ACTN1: variants seen among roughly 807,000 people sequenced by gnomAD.
ACTN1 encodes the protein alpha-actinin-1.
ACTN1 carries 30 observed loss-of-function variants against 119.6 expected under a neutral mutation model. The ratio of observed to expected loss-of-function variants is 0.25; its 90% CI spans 0.19 to 0.34. ACTN1 has a LOEUF of 0.34. Ranked by LOEUF, ACTN1 falls within the 10% of genes least tolerant of loss-of-function variation. The pLI, the probability that ACTN1 is intolerant of heterozygous loss-of-function variation, is 1.00. For missense variants in ACTN1, 764 were observed against 1,223.4 expected (o/e 0.62, Z 5.60); for synonymous variants, 429 against 472.6 (o/e 0.91, Z 1.20).
intron 6 of ACTN1, among the ~76,000 whole-genome samples, chr14:68,907,335 G>A (rs1316747958): frequency 2.0e-5 from 3 of 151,048 alleles, no homozygotes; most frequent in Admixed American, 1.3e-4. Context: ...AGGCCAAGGC[G>A]GGTGGATCAC....
At chr14:68,976,593 G>A (rs763381749) in intron 1 of ACTN1, among the ~76,000 whole-genome samples, 4 of 152,098 alleles carry the variant, frequency 2.6e-5, no homozygotes, top group East Asian at 1.9e-4. Flanking sequence ...CATCAACCCC[G>A]CCCAAAGCAC....
chr14:68,963,791 T>C lies in ACTN1; in HGVS notation c.105+15161A>G, dbSNP rs146249665. 4.4e-3 allele frequency among the ~76,000 whole-genome samples: 673 copies of C among 152,374 alleles called. 2 individuals carry two copies. Among genetic ancestry groups the C allele is most frequent in the African/African-American group, 0.015 (627 of 41,600 alleles). ...GTTCACACTAGCACACTAATCTCAG[T>C]GCCAATAAAATAGCCCAGATGATTA... On this transcript the variant is annotated intron_variant, in intron 1 of 21. Transcript: ENST00000394419.
rs2037174615 is a variant in ACTN1, at chr14:68,979,046, T to C, written c.11A>G (p.Tyr4Cys). The C allele has an allele frequency of 2.5e-6, 4 of 1,596,090 alleles. No homozygotes were observed. Among genetic ancestry groups the C allele is most frequent in the Non-Finnish European group, 3.4e-6 (4 of 1,170,234 alleles). Residue 4 changes from tyrosine (Y) to cysteine (C), a missense_variant, in exon 1 of 22, where the codon TAT (tyrosine) becomes TGT (cysteine). Tyr to Cys is a radical substitution (Grantham distance 194). Around this residue, in one of 4 missense-constraint regions of ACTN1, gnomAD observed 64 missense variants for 80.0 expected, o/e 0.80. Transcript: ENST00000394419. ...GTAATCGTTGGTTTGCTGAGAATCA[T>C]AATGGTCCATGATGGTGCGCGCGTG... MDH[Y>C]DSQQTNDYMQ...
intron 1 of ACTN1, among the ~76,000 whole-genome samples, chr14:68,943,103 C>T (rs1276493901): frequency 6.6e-6 from 1 of 152,214 alleles, no homozygotes; most frequent in Non-Finnish European, 1.5e-5. Context: ...AGTGCCATCA[C>T]TGCCTTCCTG....
At chr14:68,976,289 T>C (rs1398084030) in intron 1 of ACTN1, among the ~76,000 whole-genome samples, 1 of 152,160 alleles carries the variant, frequency 6.6e-6, no homozygotes, top group African/African-American at 2.4e-5. Context: ...CTCACTCCCC[T>C]GCCTCCCTCT....
At chr14:68,977,805 C>CCCT (rs778887467) in intron 1 of ACTN1, 1 of 367,594 alleles carries the variant, frequency 2.7e-6, no homozygotes. Flanking sequence ...TCCTGTCCCC[C>CCCT]CCCCACCCAA....
chr14:68,963,892 C>T (rs1450309313), intron 1 of ACTN1, among the ~76,000 whole-genome samples: 2 of 152,160 alleles, frequency 1.3e-5, no homozygotes, highest in Non-Finnish European at 2.9e-5. Context: ...ACTATTCTCT[C>T]TACTCCTGTG....
intron 1 of ACTN1, among the ~76,000 whole-genome samples, chr14:68,947,890 G>A (rs185047125): frequency 1.3e-5 from 2 of 152,364 alleles, no homozygotes; most frequent in East Asian, 1.9e-4. Flanking sequence ...AAGGAAGGGA[G>A]TGCGAGGTCA....
rs138673136 is a variant in ACTN1 at position 68,916,170 on chromosome 14, A to T, written c.341-3928T>A. Reference sequence around the variant, plus strand: ...AGGGAAAAATTTTTTAAGCCTAGAAAAAAGCTCTGAGTGGTAATCCCATGG... The same window carrying T: ...AGGGAAAAATTTTTTAAGCCTAGAATAAAGCTCTGAGTGGTAATCCCATGG... On this transcript the variant is annotated intron_variant, in intron 3 of 21. Coordinates refer to ENST00000394419, the MANE Select transcript of ACTN1 (RefSeq NM_001130004.2). Among the ~76,000 whole-genome samples, 949 of 152,320 alleles carry T rather than the reference A, an allele frequency of 6.2e-3. 4 individuals are homozygous for T. Among genetic ancestry groups the T allele is most frequent in the Non-Finnish European group, 0.011 (722 of 68,016 alleles).
chr14:68,925,000 T>TG (rs756867236), intron 2 of ACTN1, among the ~76,000 whole-genome samples: 11 of 152,182 alleles, frequency 7.2e-5, no homozygotes, highest in Admixed American at 5.9e-4. Flanking sequence ...GGATTAGGTC[T>TG]AAGGCTCACC....
chr14:68,904,643 A>G lies in ACTN1; in HGVS notation c.676+12T>C. On this transcript the variant is annotated intron_variant, in intron 7 of 21. Transcript: ENST00000394419. ...CGATGGGCAAGAGACACAGAAGGAAAGCGCCTTTCACCTTCGGCATCCAGC... is the reference window on the plus strand; with the variant it reads ...CGATGGGCAAGAGACACAGAAGGAAGGCGCCTTTCACCTTCGGCATCCAGC... The G allele has an allele frequency of 6.2e-7, 1 of 1,613,090 alleles. No homozygotes were observed. The highest frequency in any genetic ancestry group is 1.3e-5 in the African/African-American group (1 of 75,022).
At chr14:68,895,503 C>T (rs1189681172) in intron 8 of ACTN1, among the ~76,000 whole-genome samples, 1 of 152,044 alleles carries the variant, frequency 6.6e-6, no homozygotes, top group Non-Finnish European at 1.5e-5. Context: ...TTGCCGGAAG[C>T]CCCAGACTAC....
intron 1 of ACTN1, chr14:68,974,119 T>G (rs2036985847): frequency 6.6e-6 from 1 of 152,616 alleles, no homozygotes; most frequent in Non-Finnish European, 1.5e-5. Flanking sequence ...AAACCACAGG[T>G]GGGTTACACA....
At position 68,880,442 on chromosome 14, in the gene ACTN1, C is replaced by T. The variant is rs1427656265; in HGVS notation, c.2134-334G>A. 2.3e-5 allele frequency among the ~76,000 whole-genome samples: 3 copies of T among 130,782 alleles called. No homozygotes were observed. The highest frequency in any genetic ancestry group is 1.7e-4 in the Admixed American group (2 of 12,074). 85.8% of individuals were successfully genotyped at this position (130,782 alleles called of 152,430 possible). Reference sequence around the variant, plus strand: ...GTGATTCCCCGAACCTCCAACCCCACAGCCACGCGCGCACACACACATACA... The same window carrying T: ...GTGATTCCCCGAACCTCCAACCCCATAGCCACGCGCGCACACACACATACA... On this transcript the variant is annotated intron_variant, in intron 17 of 21. Transcript: ENST00000394419. The surrounding 1 kb of genome is among the most constrained non-coding windows in gnomAD (Gnocchi z 4.6).
In ACTN1 at chr14:68,893,726, T is replaced by G; in HGVS notation, c.784A>C (p.Ile262Leu). ...AQKAETAANR[I>L]CKVLAVNQEN... ...TGGTTGACGGCCAACACCTTGCAGA[T>G]GCGATTGGCTGCTGTCTCCGCCTGG... Residue 262 changes from isoleucine to leucine, a missense_variant, in exon 9 of 22, where the codon ATC becomes CTC. Ile to Leu is a conservative substitution (Grantham distance 5). Transcript: ENST00000394419. 3 of 1,614,080 alleles carry G rather than the reference T, an allele frequency of 1.9e-6. No homozygotes were observed. Among genetic ancestry groups the G allele is most frequent in the Non-Finnish European group, 2.5e-6 (3 of 1,180,006 alleles).
intron 1 of ACTN1, among the ~76,000 whole-genome samples, chr14:68,932,565 CTA>C (rs1388700484): frequency 1.8e-5 from 2 of 114,214 alleles, no homozygotes; most frequent in Non-Finnish European, 3.3e-5. Context: ...CTGGGTCTCT[CTA>C]TGTTACCCAG....
At chr14:68,891,441 C>T (rs1035936406) in intron 10 of ACTN1, among the ~76,000 whole-genome samples, 9 of 152,140 alleles carry the variant, frequency 5.9e-5, no homozygotes, top group Non-Finnish European at 1.0e-4. Flanking sequence ...TGTCAGGGGA[C>T]ACTTGAGTAC....
rs746780744 is a variant in ACTN1, at chr14:68,978,936, G to T, written c.105+16C>A. 1.5e-5 allele frequency: 23 copies of T among 1,554,914 alleles called. No individual in the cohort carries two copies. Among genetic ancestry groups the T allele is most frequent in the African/African-American group, 4.1e-5 (3 of 72,688 alleles). On this transcript the variant is annotated intron_variant, in intron 1 of 21. Coordinates refer to ENST00000394419, the MANE Select transcript of ACTN1 (RefSeq NM_001130004.2). Reference sequence around the variant, plus strand: ...CTGGGGGCTGGGGGCTGCAGCGGGCGGGGGCGGCTGCTAACCTTTCTCTGC... The same window carrying T: ...CTGGGGGCTGGGGGCTGCAGCGGGCTGGGGCGGCTGCTAACCTTTCTCTGC...
chr14:68,905,377 T>C (rs1432254624), intron 6 of ACTN1, among the ~76,000 whole-genome samples: 1 of 152,228 alleles, frequency 6.6e-6, no homozygotes, highest in Non-Finnish European at 1.5e-5. Context: ...TGTCAAATGC[T>C]GTGAGAATAG....
Sources: gnomAD v4.1 joint callset for allele counts (sites outside exome capture counted in the v4.1 genomes callset) on GRCh38, gnomAD v4.1.1 for gene constraint, gnomAD v4.1.1 regional missense constraint, Gnocchi (gnomAD v3.1) non-coding constraint, MANE v1.5 for transcripts, NCBI Gene and HGNC (gene_info 2026-07-23, HGNC 2026-07-21) for gene names.